Variants in ABCC12 observed in about 807,000 individuals in gnomAD.
The protein encoded by ABCC12 is ATP-binding cassette sub-family C member 12.
In ABCC12, 142 loss-of-function variants were observed where a neutral mutation model predicts 151.1. The ratio of observed to expected loss-of-function variants is 0.94; its 90% CI spans 0.82 to 1.08. The LOEUF (loss-of-function observed/expected upper bound fraction) is 1.08, where lower values mean the gene tolerates loss of function less well. ABCC12 is among the 50% of genes least tolerant of loss of function. The pLI, the probability that ABCC12 is intolerant of heterozygous loss-of-function variation, is 0.00. For synonymous variants in ABCC12, 645 were observed against 646.4 expected, an observed-to-expected ratio of 1.00 and a Z score of 0.03; for missense variants, 1,638 against 1,691.1, an observed-to-expected ratio of 0.97 and a Z score of 0.55.
intron 8 of ABCC12, among the ~76,000 whole-genome samples, chr16:48,137,536 A>G (rs569571587): frequency 6.6e-6 from 1 of 152,306 alleles, no homozygotes; most frequent in Non-Finnish European, 1.5e-5. Flanking sequence ...GCTCAGAAGC[A>G]GGTTCTCTAC....
At position 48,125,776 on chromosome 16, in the gene ABCC12, T is replaced by C. The variant is rs116885200; in HGVS notation, c.1516-1492A>G. ...AGAAACGCCCATCCCCTGTCTGCCA[T>C]TCTCAGCACATGAGAGTCGCTGCCT... On this transcript the variant is annotated intron_variant, in intron 11 of 30. Transcript: ENST00000311303. 8.3e-4 allele frequency among the ~76,000 whole-genome samples: 127 copies of C among 152,342 alleles called. No homozygotes were observed. The East Asian group carries it at 0.016, about 19-fold the overall frequency.
chr16:48,117,149 C>G, intron 14 of ABCC12, 112 bp downstream of exon 14: 1 of 987,730 alleles, frequency 1.0e-6, no homozygotes, highest in Non-Finnish European at 1.5e-6. Flanking sequence ...TTTGCCCACA[C>G]GTCCTTGGGG....
At chr16:48,140,540 C>T (rs1596629645) in intron 6 of ABCC12, 147 bp downstream of exon 6, 1 of 769,578 alleles carries the variant, frequency 1.3e-6, no homozygotes, top group Non-Finnish European at 2.1e-6. Context: ...GTCTCCACCA[C>T]CTCACTTAGC....
intron 1 of ABCC12, among the ~76,000 whole-genome samples, chr16:48,154,087 C>G (rs956683303): frequency 6.6e-6 from 1 of 152,132 alleles, no homozygotes; most frequent in Non-Finnish European, 1.5e-5. Context: ...GGGCCAGGGT[C>G]CCTGCAGCCA....
At chr16:48,139,895 C>G (rs768042231) in intron 6 of ABCC12, among the ~76,000 whole-genome samples, 1 of 150,872 alleles carries the variant, frequency 6.6e-6, no homozygotes, top group Non-Finnish European at 1.5e-5. Context: ...GGATCTCTAG[C>G]ATCTACTTTT....
At chr16:48,142,008 C>T (rs984587347) in intron 4 of ABCC12, among the ~76,000 whole-genome samples, 1 of 152,076 alleles carries the variant, frequency 6.6e-6, no homozygotes, top group African/African-American at 2.4e-5. Flanking sequence ...TGAGAGGTGG[C>T]AGTGGAATTA....
chr16:48,122,560 G>A (rs936783694), intron 12 of ABCC12, among the ~76,000 whole-genome samples: 2 of 152,168 alleles, frequency 1.3e-5, no homozygotes, highest in Non-Finnish European at 2.9e-5. Context: ...GTTATCAACA[G>A]AGGGTACATG....
rs776316919 is a variant in ABCC12 at position 48,115,596 on chromosome 16, A to G, written c.1808T>C (p.Leu603Pro). 6.2e-7 allele frequency: 1 copy of G among 1,613,790 alleles called. No homozygotes were observed. Among genetic ancestry groups the G allele is most frequent in the Non-Finnish European group, 8.5e-7 (1 of 1,179,860 alleles). The change falls in exon 15 of 31, where the codon CTC (leucine) becomes CCC (proline). Residue 603 changes from leucine (L) to proline (P), a missense_variant. Leu to Pro is a moderately conservative substitution (Grantham distance 98). Coordinates refer to ENST00000311303, the MANE Select transcript of ABCC12 (RefSeq NM_001393797.1). ...AATCCTCTGCCTCTGCCCCCCAGAGAGGTTGAGGCCCCGCTCCCCAATCTG... is the reference window on the plus strand; with the variant it reads ...AATCCTCTGCCTCTGCCCCCCAGAGGGGTTGAGGCCCCGCTCCCCAATCTG... ...LTEIGERGLNLSGGQRQRISL... is the reference protein window; with the variant it reads ...LTEIGERGLNPSGGQRQRISL...
Position 48,088,628 on chromosome 16 carries a change from T to A in ABCC12, c.3392A>T (p.Asp1131Val). 1 of 1,614,216 alleles carries A rather than the reference T, an allele frequency of 6.2e-7. No individual in the cohort carries two copies. The highest frequency in any genetic ancestry group is 8.5e-7 in the Non-Finnish European group (1 of 1,180,048). Residue 1131 changes from aspartate (D) to valine (V), a missense_variant, in exon 26 of 31, where the codon GAC becomes GTC. Asp to Val is a radical substitution (Grantham distance 152). Coordinates refer to ENST00000311303, the MANE Select transcript of ABCC12 (RefSeq NM_001393797.1). ...TFRDYQMRYR[D>V]NTPLVLDSLN... ...GCTGTCGAGAACAAGGGGGGTGTTG[T>A]CTCTGTATCTCATCTGATAGTCTCT...
chr16:48,108,594 C>T (rs555841725), intron 18 of ABCC12, 65 bp from the exon 19 acceptor site: 125 of 1,346,692 alleles, frequency 9.3e-5, no homozygotes, highest in Admixed American at 1.2e-4. Flanking sequence ...GAGGTAGGCA[C>T]GGCCCCTCCA....
At chr16:48,144,533 A>G (rs981212136) in intron 3 of ABCC12, among the ~76,000 whole-genome samples, 1 of 151,798 alleles carries the variant, frequency 6.6e-6, no homozygotes, top group Non-Finnish European at 1.5e-5. Flanking sequence ...AAACTTCACT[A>G]AGGTAGTATA....
chr16:48,089,991 A>C (rs1478210864), intron 25 of ABCC12, among the ~76,000 whole-genome samples: 1 of 150,778 alleles, frequency 6.6e-6, no homozygotes, highest in Non-Finnish European at 1.5e-5. Flanking sequence ...TCATTGAGGT[A>C]CTTAAAAAGA....
At chr16:48,097,548 G>A (rs2150595275) in intron 23 of ABCC12, among the ~76,000 whole-genome samples, 1 of 152,320 alleles carries the variant, frequency 6.6e-6, no homozygotes. Flanking sequence ...GAGGGGGGAA[G>A]AAGCACAGAG....
intron 10 of ABCC12, among the ~76,000 whole-genome samples, chr16:48,129,922 T>C (rs1282464851): frequency 1.3e-5 from 2 of 152,194 alleles, no homozygotes; most frequent in Non-Finnish European, 2.9e-5. Context: ...AACTCAACAG[T>C]GTACCTTCCA....
At chr16:48,127,665 G>A (rs763273284) in intron 11 of ABCC12, among the ~76,000 whole-genome samples, 2 of 152,160 alleles carry the variant, frequency 1.3e-5, no homozygotes, top group East Asian at 1.9e-4. Context: ...ATGATGCCTG[G>A]TTATTGAAGT....
Position 48,082,623 on chromosome 16 carries a change from G to A in ABCC12, c.*1092C>T, listed in dbSNP as rs569416401. Among the ~76,000 whole-genome samples, 1 of 152,326 alleles carries A rather than the reference G, an allele frequency of 6.6e-6. No individual in the cohort carries two copies. The highest frequency in any genetic ancestry group is 2.4e-5 in the African/African-American group (1 of 41,576). On this transcript the variant is annotated 3_prime_UTR_variant, in exon 31 of 31. Coordinates refer to ENST00000311303, the MANE Select transcript of ABCC12 (RefSeq NM_001393797.1). ...TGACCAACACTTACAAGGGAAGTGGGGTGGGGGGTTGTGGTCTGGAAGCTT... is the reference window on the plus strand; with the variant it reads ...TGACCAACACTTACAAGGGAAGTGGAGTGGGGGGTTGTGGTCTGGAAGCTT...
At chr16:48,128,425 G>A (rs1216742438) in intron 11 of ABCC12, 34 bp downstream of exon 11, 4 of 1,607,020 alleles carry the variant, frequency 2.5e-6, no homozygotes, top group South Asian at 2.2e-5. Flanking sequence ...CAAGGAGGAG[G>A]GCTGGAGGCC....
chr16:48,116,917 C>A (rs997926564), intron 14 of ABCC12, among the ~76,000 whole-genome samples: 11 of 152,170 alleles, frequency 7.2e-5, no homozygotes, highest in African/African-American at 2.4e-4. Flanking sequence ...CTGGGCAGAG[C>A]CAGTGAGGCA....
chr16:48,150,454 G>A (rs962948155), intron 2 of ABCC12, among the ~76,000 whole-genome samples: 1 of 152,118 alleles, frequency 6.6e-6, no homozygotes, highest in Non-Finnish European at 1.5e-5. Flanking sequence ...TATGTGTATA[G>A]CTCATATGAT....
Sources: gnomAD v4.1 joint callset for allele counts (sites outside exome capture counted in the v4.1 genomes callset) on GRCh38, gnomAD v4.1.1 for gene constraint, MANE v1.5 for transcripts, NCBI Gene and HGNC (gene_info 2026-07-23, HGNC 2026-07-21) for gene names.